LARP4: variants seen among roughly 807,000 people sequenced by gnomAD.
LARP4 encodes the protein La ribonucleoprotein 4.
LARP4 carries 29 observed loss-of-function variants against 92.9 expected under a neutral mutation model. That is an observed-to-expected ratio of 0.31 (90% CI 0.23 to 0.43). The LOEUF is 0.43. Ranked by LOEUF, LARP4 falls within the 20% of genes least tolerant of loss-of-function variation. The probability of loss-of-function intolerance (pLI) is 1.00; values close to 1 mark genes in which losing one functional copy is unlikely to be tolerated. For missense variants in LARP4, 732 were observed against 860.0 expected (o/e 0.85, Z 1.86); for synonymous variants, 279 against 284.1 (o/e 0.98, Z 0.18).
intron 10 of LARP4, among the ~76,000 whole-genome samples, chr12:50,459,179 A>G (rs1265363081): frequency 6.6e-6 from 1 of 152,036 alleles, no homozygotes; most frequent in East Asian, 1.9e-4. Context: ...TTGTATTTTT[A>G]GTAGAGATGG....
chr12:50,418,771 T>TA (rs1233932429), intron 1 of LARP4, among the ~76,000 whole-genome samples: 18 of 152,152 alleles, frequency 1.2e-4, no homozygotes, highest in Non-Finnish European at 2.4e-4. Flanking sequence ...CAGACTGTAG[T>TA]ACAATCATGT....
intron 8 of LARP4, among the ~76,000 whole-genome samples, chr12:50,445,430 T>C (rs895759496): frequency 6.6e-6 from 1 of 152,270 alleles, no homozygotes; most frequent in East Asian, 1.9e-4. Context: ...ATGCTTTTAC[T>C]TATTATACTT....
intron 1 of LARP4, among the ~76,000 whole-genome samples, chr12:50,405,146 G>A (rs1944573237): frequency 6.6e-6 from 1 of 150,862 alleles, no homozygotes; most frequent in African/African-American, 2.4e-5. Context: ...TGATCCGCCC[G>A]CCTTGGCCTC....
chr12:50,428,560 C>T (rs1410693645), intron 2 of LARP4, among the ~76,000 whole-genome samples: 1 of 152,064 alleles, frequency 6.6e-6, no homozygotes, highest in Non-Finnish European at 1.5e-5. Context: ...CCATCATTGA[C>T]TCTGCTATTT....
intron 1 of LARP4, among the ~76,000 whole-genome samples, chr12:50,419,377 GAA>G (rs1014865493): frequency 6.6e-6 from 1 of 151,250 alleles, no homozygotes; most frequent in Non-Finnish European, 1.5e-5. Flanking sequence ...AACAGGTAGG[GAA>G]AAAAAAGACT....
chr12:50,429,337 G>A (rs1025196199), intron 3 of LARP4, among the ~76,000 whole-genome samples: 7 of 152,028 alleles, frequency 4.6e-5, no homozygotes, highest in Non-Finnish European at 7.4e-5. Flanking sequence ...AAAAAAGGCG[G>A]GGTGGCTCAT....
intron 4 of LARP4, among the ~76,000 whole-genome samples, chr12:50,432,598 A>G (rs991102795): frequency 6.6e-6 from 1 of 151,958 alleles, no homozygotes; most frequent in South Asian, 2.1e-4. Context: ...AGTGGCTCAC[A>G]CCTGTAATCC....
chr12:50,472,014 G>GT (rs1289371667), intron 13 of LARP4, among the ~76,000 whole-genome samples: 2 of 152,042 alleles, frequency 1.3e-5, no homozygotes, highest in Admixed American at 1.3e-4. Context: ...ATAGTTTGCT[G>GT]TTTTTATTTC....
Position 50,429,146 on chromosome 12 carries a change from C to T in LARP4, c.322+56C>T, listed in dbSNP as rs1949256584. On this transcript the variant is annotated intron_variant, in intron 3 of 15. Transcript: ENST00000398473. ...GAATTCAGTACAGGACACCCCCCAC[C>T]CATGGTCTCTTTATACTTGTTCTGA... 8 of 1,287,818 alleles carry T rather than the reference C, an allele frequency of 6.2e-6. No individual in the cohort carries two copies. In the Admixed American group the frequency reaches 1.5e-4, roughly 24 times the overall value. 79.8% of individuals were successfully genotyped at this position (1,287,818 alleles called of 1,614,324 possible).
chr12:50,423,944 C>G (rs970735745), intron 1 of LARP4, among the ~76,000 whole-genome samples: 1 of 151,750 alleles, frequency 6.6e-6, no homozygotes, highest in Non-Finnish European at 1.5e-5. Context: ...TTAGTAGAGA[C>G]AGGGTTTCAC....
At chr12:50,445,154 A>G (rs538542561) in intron 8 of LARP4, among the ~76,000 whole-genome samples, 2 of 152,146 alleles carry the variant, frequency 1.3e-5, no homozygotes, top group African/African-American at 4.8e-5. Context: ...TCCCCCCACT[A>G]AGGCCTCCCA....
chr12:50,401,110 T>C, intron 1 of LARP4, 82 bp downstream of exon 1: 1 of 1,529,750 alleles, frequency 6.5e-7, no homozygotes, highest in East Asian at 2.2e-5. Flanking sequence ...GCCATGTGAC[T>C]TTCCGGGCCG....
intron 5 of LARP4, among the ~76,000 whole-genome samples, chr12:50,436,605 C>T (rs952036170): frequency 6.6e-6 from 1 of 152,118 alleles, no homozygotes; most frequent in Non-Finnish European, 1.5e-5. Flanking sequence ...AAATACTGCT[C>T]TGAAGTTTGG....
rs754471636 is a variant in LARP4 at position 50,435,591 on chromosome 12, A to T, written c.502A>T (p.Thr168Ser). The T allele has an allele frequency of 8.7e-6, 14 of 1,607,644 alleles. No individual in the cohort carries two copies. In the South Asian group the frequency reaches 1.3e-4, roughly 15 times the overall value. The change falls in exon 5 of 16, where the codon ACA becomes TCA. Residue 168 changes from threonine to serine, a missense_variant. Thr to Ser is a moderately conservative substitution (Grantham distance 58, BLOSUM62 1). Around this residue, in one of 7 missense-constraint regions of LARP4, gnomAD observed 236 missense variants for 307.6 expected, o/e 0.77. Transcript: ENST00000398473. ...ANMEEIKKLT[T>S]DPDLILEVLR... ...CATGGAAGAAATAAAAAAGTTGACT[A>T]CAGACCCTGATCTAATTCTTGAAGT...
intron 8 of LARP4, among the ~76,000 whole-genome samples, chr12:50,446,654 C>T (rs1231579988): frequency 6.6e-6 from 1 of 150,572 alleles, no homozygotes; most frequent in African/African-American, 2.5e-5. Context: ...GTCTCGAATT[C>T]CTGACCTTGT....
intron 1 of LARP4, among the ~76,000 whole-genome samples, chr12:50,421,964 T>C (rs537300997): frequency 1.3e-5 from 2 of 149,602 alleles, no homozygotes; most frequent in South Asian, 2.1e-4. Flanking sequence ...AATACTTACA[T>C]TGGTTGGATT....
chr12:50,428,899 A>G (rs1483444444), intron 2 of LARP4, 36 bp from the exon 3 acceptor site: 2 of 1,497,916 alleles, frequency 1.3e-6, no homozygotes, highest in Non-Finnish European at 9.0e-7. Context: ...AATTTAAATA[A>G]TTCCCATTTA....
intron 1 of LARP4, 126 bp downstream of exon 1, chr12:50,401,154 A>G: frequency 9.3e-7 from 1 of 1,077,676 alleles, no homozygotes; most frequent in Non-Finnish European, 1.4e-6. Context: ...AGGCTGACAC[A>G]GCACCTGGGC....
chr12:50,403,208 C>G (rs767073949), intron 1 of LARP4, among the ~76,000 whole-genome samples: 2 of 152,142 alleles, frequency 1.3e-5, no homozygotes, highest in African/African-American at 2.4e-5. Context: ...GTCAAAGGTT[C>G]TTAATCTAGG....
Sources: allele counts gnomAD v4.1 joint callset (sites outside exome capture counted in the v4.1 genomes callset), GRCh38; gene constraint gnomAD v4.1.1; regional missense constraint gnomAD v4.1.1; transcripts MANE v1.5; gene names NCBI Gene and HGNC (gene_info 2026-07-23, HGNC 2026-07-21).